Variants in DGKK observed in about 807,000 individuals in gnomAD.
DGKK encodes 142 kDa diacylglycerol kinase.
In DGKK, 35 loss-of-function variants were observed where a neutral mutation model predicts 92.2. The ratio of observed to expected loss-of-function variants is 0.38; its 90% CI spans 0.29 to 0.50. The LOEUF is 0.50. DGKK is among the 20% of genes least tolerant of loss of function. The probability of loss-of-function intolerance (pLI) is 0.92; values close to 1 mark genes in which losing one functional copy is unlikely to be tolerated. For missense variants in DGKK, 910 were observed against 992.2 expected (o/e 0.92, Z 1.11); for synonymous variants, 368 against 360.6 (o/e 1.02, Z -0.23).
At chrX:50,419,399 T>A (rs782193476) in intron 4 of DGKK, among the ~76,000 whole-genome samples, 1 of 111,908 alleles carries the variant, frequency 8.9e-6, no homozygotes, top group East Asian at 2.8e-4. Context: ...GTTTTATTTC[T>A]AAACTGCATT....
At chrX:50,390,488 G>T in intron 11 of DGKK, 79 bp from the exon 12 acceptor site, 1 of 939,046 alleles carries the variant, frequency 1.1e-6, no homozygotes, top group Non-Finnish European at 1.5e-6. Context: ...GGTGAAGACA[G>T]AAGTAAAAAT....
At chrX:50,374,660 A>C (rs1247282258) in intron 25 of DGKK, among the ~76,000 whole-genome samples, 3 of 111,239 alleles carry the variant, frequency 2.7e-5, no homozygotes, top group African/African-American at 9.8e-5. Context: ...AAAATAGCTC[A>C]CCTTTTTCTA....
chrX:50,404,284 A>G (rs781944537), intron 4 of DGKK, 100 bp from the exon 5 acceptor site: 14 of 957,490 alleles, frequency 1.5e-5, no homozygotes, highest in African/African-American at 3.9e-5. Flanking sequence ...GGCCTGCTGT[A>G]TAGGTGTCAG....
intron 7 of DGKK, among the ~76,000 whole-genome samples, chrX:50,402,516 T>A (rs1208963408): frequency 1.8e-5 from 2 of 111,916 alleles, no homozygotes; most frequent in Admixed American, 1.9e-4. Flanking sequence ...CTTGGACAAA[T>A]GAAATTGGTC....
chrX:50,387,677 C>T, intron 13 of DGKK, 24 bp from the exon 14 acceptor site: 1 of 1,083,338 alleles, frequency 9.2e-7, no homozygotes, highest in Non-Finnish European at 1.3e-6. Context: ...ATAGATGGCA[C>T]AATGTTACAT....
chrX:50,370,626 G>T, intron 26 of DGKK, 77 bp from the exon 27 acceptor site: 1 of 1,058,426 alleles, frequency 9.4e-7, no homozygotes, highest in Non-Finnish European at 1.3e-6. Flanking sequence ...CTGGAAAAGT[G>T]GTAAACAAGA....
chrX:50,369,859 T>C (rs782371395), intron 27 of DGKK, among the ~76,000 whole-genome samples: 1 of 111,555 alleles, frequency 9.0e-6, no homozygotes, highest in East Asian at 2.8e-4. Flanking sequence ...CCTGTTCCTT[T>C]TTTTTCCATG....
chrX:50,410,797 G>A (rs1168879994), intron 4 of DGKK, among the ~76,000 whole-genome samples: 1 of 111,805 alleles, frequency 8.9e-6, no homozygotes, highest in African/African-American at 3.2e-5. Flanking sequence ...TTCTAAGTGG[G>A]AAAAGAGAGT....
At position 50,422,366 on chromosome X, in the gene DGKK, A is replaced by T. The variant is rs782724273; in HGVS notation, c.837+80T>A. ...AACTTTGGAAACCTGAAGTTCAAAG[A>T]AGCAAGAAGTGGTCATGGAAAGCTA... On this transcript the variant is annotated intron_variant, in intron 3 of 27. Coordinates refer to ENST00000611977, the MANE Select transcript of DGKK (RefSeq NM_001013742.4). 12 of 788,740 alleles carry T rather than the reference A, an allele frequency of 1.5e-5. No individual in the cohort carries two copies. In the Admixed American group the frequency reaches 2.4e-4, roughly 16 times the overall value. 65.0% of individuals were successfully genotyped at this position (788,740 alleles called of 1,213,427 possible). A position where few individuals can be genotyped will look rare whatever the true frequency, so the allele number is the denominator to read the frequency against.
chrX:50,395,943 G>T (rs1292247933), intron 8 of DGKK, among the ~76,000 whole-genome samples: 1 of 111,585 alleles, frequency 9.0e-6, no homozygotes, highest in African/African-American at 3.3e-5. Context: ...AGAGGCATAT[G>T]CATTTTGACC....
At chrX:50,373,105 C>A (rs782395115) in intron 25 of DGKK, among the ~76,000 whole-genome samples, 106 of 112,303 alleles carry the variant, frequency 9.4e-4, no homozygotes, top group Middle Eastern at 4.6e-3. Flanking sequence ...ACAATACAAA[C>A]TGCCCTAGAT....
In DGKK at chrX:50,447,637, C is replaced by G. The variant is rs552302660; in HGVS notation, c.645+22397G>C. 1.1e-4 allele frequency among the ~76,000 whole-genome samples: 11 copies of G among 103,795 alleles called. No individual in the cohort carries two copies. In the South Asian group the frequency reaches 5.0e-3, roughly 47 times the overall value. The allele number at this position is 103,795 out of a possible 115,157, so 90.1% of individuals were successfully genotyped here. A position where few individuals can be genotyped will look rare whatever the true frequency, so the allele number is the denominator to read the frequency against. ...CTAGTTATCATTATCCGCCAACTCTCAAAACCCAACTTGGCTTAAGGTAGG... is the reference window on the plus strand; with the variant it reads ...CTAGTTATCATTATCCGCCAACTCTGAAAACCCAACTTGGCTTAAGGTAGG... On this transcript the variant is annotated intron_variant, in intron 1 of 27. Transcript: ENST00000611977.
chrX:50,379,311 G>A (rs1031661767), intron 20 of DGKK, among the ~76,000 whole-genome samples: 4 of 66,637 alleles, frequency 6.0e-5, no homozygotes, highest in South Asian at 9.1e-4. Flanking sequence ...GCAAGACTCC[G>A]TTTCAAAAAA....
At position 50,382,610 on chromosome X, in the gene DGKK, T is replaced by A; in HGVS notation, c.2550-7A>T. On this transcript the variant is annotated splice_region_variant and splice_polypyrimidine_tract_variant and intron_variant, in intron 17 of 27. Transcript: ENST00000611977. ...ACATTTTTCTTTGAAGCGTCTGAAA[T>A]TATTCAAAGAAGAGGACAGACATTG... is the stretch of plus-strand genomic sequence containing the variant. 8.5e-7 allele frequency: 1 copy of A among 1,180,747 alleles called. No homozygotes were observed.
intron 22 of DGKK, 122 bp downstream of exon 22, chrX:50,377,976 A>C: frequency 4.6e-6 from 4 of 860,997 alleles, no homozygotes; most frequent in Non-Finnish European, 6.5e-6. Flanking sequence ...ATCTCAAGTG[A>C]CTCTGATGCC....
chrX:50,462,882 CTTTTTTTTTTTTTTTTTTTTT>C (rs548003185), intron 1 of DGKK, among the ~76,000 whole-genome samples: 1 of 15,766 alleles, frequency 6.3e-5, no homozygotes, highest in Non-Finnish European at 1.8e-4. Context: ...CCTTTCCTTG[CTTTTTTTTTTTTTTTTTTTTT>C]TTTTTTTTTT....
At chrX:50,426,528 C>T (rs782488686) in intron 1 of DGKK, among the ~76,000 whole-genome samples, 8 of 111,230 alleles carry the variant, frequency 7.2e-5, no homozygotes, top group Non-Finnish European at 1.5e-4. Flanking sequence ...TAGATCACAT[C>T]CCCTTCCTCA....
At chrX:50,376,687 G>C in intron 23 of DGKK, 71 bp downstream of exon 23, 2 of 1,023,112 alleles carry the variant, frequency 2.0e-6, no homozygotes, top group African/African-American at 3.8e-5. Flanking sequence ...GTAGCCAATA[G>C]ACACAAATTG....
In DGKK at chrX:50,470,690, G is replaced by C; in HGVS notation, c.-12C>G. ...GCTCCGCGGTCCATGGCCGCACACC[G>C]CTTCAGGTCTGGGCAGCCTGAGTCC... is the stretch of plus-strand genomic sequence containing the variant. On this transcript the variant is annotated 5_prime_UTR_variant, in exon 1 of 28. Coordinates refer to ENST00000611977, the MANE Select transcript of DGKK (RefSeq NM_001013742.4). The C allele has an allele frequency of 9.1e-7, 1 of 1,096,884 alleles. No individual in the cohort carries two copies. The highest frequency in any genetic ancestry group is 1.8e-5 in the African/African-American group (1 of 54,277). 90.4% of individuals were successfully genotyped at this position (1,096,884 alleles called of 1,213,427 possible).
Sources: allele counts gnomAD v4.1 joint callset (sites outside exome capture counted in the v4.1 genomes callset), GRCh38; gene constraint gnomAD v4.1.1; transcripts MANE v1.5; gene names NCBI Gene and HGNC (gene_info 2026-07-23, HGNC 2026-07-21).